Variants in SH3GL2 observed in about 807,000 individuals in gnomAD.
SH3GL2 encodes endophilin-A1.
In SH3GL2, 24 loss-of-function variants were observed where a neutral mutation model predicts 46.0. The observed-to-expected ratio is 0.52, with a 90% CI of 0.38 to 0.73. The LOEUF is 0.73. Among genes scored for constraint, SH3GL2 ranks in the 30% least tolerant of loss-of-function variants. SH3GL2 has a pLI of 0.00. For missense variants in SH3GL2, 413 were observed against 424.2 expected (o/e 0.97, Z 0.23); for synonymous variants, 196 against 147.1 (o/e 1.33, Z -2.40).
intron 1 of SH3GL2, among the ~76,000 whole-genome samples, chr9:17,721,871 G>A (rs1821902259): frequency 6.6e-6 from 1 of 151,928 alleles, no homozygotes; most frequent in Non-Finnish European, 1.5e-5. Context: ...TGTTTCTCTG[G>A]AGAACCCTAA....
At chr9:17,693,954 A>G (rs1297345030) in intron 1 of SH3GL2, among the ~76,000 whole-genome samples, 3 of 152,156 alleles carry the variant, frequency 2.0e-5, no homozygotes, top group African/African-American at 2.4e-5. Context: ...CTTATTAATG[A>G]TCTGAATTTA....
chr9:17,776,663 C>G (rs982956938), intron 3 of SH3GL2, among the ~76,000 whole-genome samples: 3 of 90,696 alleles, frequency 3.3e-5, no homozygotes, highest in Non-Finnish European at 2.3e-5. Context: ...TTCAAAATGT[C>G]CCATCTTTTT....
At chr9:17,740,914 T>C (rs1479406222) in intron 1 of SH3GL2, among the ~76,000 whole-genome samples, 1 of 152,134 alleles carries the variant, frequency 6.6e-6, no homozygotes, top group Non-Finnish European at 1.5e-5. Flanking sequence ...AGCAAGAGTT[T>C]AGGCATTTTC....
At chr9:17,669,120 A>C (rs1820411232) in intron 1 of SH3GL2, among the ~76,000 whole-genome samples, 1 of 152,130 alleles carries the variant, frequency 6.6e-6, no homozygotes, top group Non-Finnish European at 1.5e-5. Context: ...ATTTTGTGTT[A>C]GTTTTAGATT....
chr9:17,666,215 C>T (rs1344283312), intron 1 of SH3GL2, among the ~76,000 whole-genome samples: 1 of 151,866 alleles, frequency 6.6e-6, no homozygotes, highest in African/African-American at 2.4e-5. Context: ...TTTTTCCTCT[C>T]TTCAATGTTA....
At chr9:17,600,695 A>G (rs973706088) in intron 1 of SH3GL2, among the ~76,000 whole-genome samples, 9 of 152,328 alleles carry the variant, frequency 5.9e-5, no homozygotes, top group Admixed American at 2.0e-4. Context: ...GGTTCAATGT[A>G]TATGTTGTAC....
rs546023370 is a variant in SH3GL2 at position 17,750,661 on chromosome 9, T to C, written c.114+3527T>C. Among the ~76,000 whole-genome samples, 38 of 152,330 alleles carry C rather than the reference T, an allele frequency of 2.5e-4. 1 individual carries two copies. Among genetic ancestry groups the C allele is most frequent in the African/African-American group, 9.1e-4 (38 of 41,580 alleles). On this transcript the variant is annotated intron_variant, in intron 2 of 8. Coordinates refer to ENST00000380607, the MANE Select transcript of SH3GL2 (RefSeq NM_003026.5). Reference sequence around the variant, plus strand: ...TAAATGTCTTACTCTGGTGCAACATTGGAGGATTTGTTCTTTGAAAAGCTA... The same window carrying C: ...TAAATGTCTTACTCTGGTGCAACATCGGAGGATTTGTTCTTTGAAAAGCTA...
At chr9:17,710,773 A>G (rs1046161034) in intron 1 of SH3GL2, among the ~76,000 whole-genome samples, 7 of 152,092 alleles carry the variant, frequency 4.6e-5, no homozygotes, top group Middle Eastern at 3.4e-3. Context: ...ATACCAAGTG[A>G]AATAAGCCAA....
rs368775124 is a variant in SH3GL2 at position 17,635,928 on chromosome 9, G to T, written c.45+56641G>T. ...ACCTCCATTTATCAGCCTGGTCACA[G>T]CAGCAAGTAACCAAGAGGTCCTAAA... On this transcript the variant is annotated intron_variant, in intron 1 of 8. Transcript: ENST00000380607. Among the ~76,000 whole-genome samples the T allele has an allele frequency of 6.6e-5, 10 of 152,294 alleles. No homozygotes were observed. In the South Asian group the frequency reaches 1.9e-3, roughly 28 times the overall value.
At chr9:17,765,811 A>G (rs1402705223) in intron 3 of SH3GL2, among the ~76,000 whole-genome samples, 1 of 152,216 alleles carries the variant, frequency 6.6e-6, no homozygotes, top group East Asian at 1.9e-4. Context: ...CCATGAGTTC[A>G]GCACTGTGCC....
chr9:17,689,311 C>T lies in SH3GL2; in HGVS notation c.46-57755C>T, dbSNP rs142968950. Among the ~76,000 whole-genome samples the T allele has an allele frequency of 2.8e-3, 423 of 152,130 alleles. 3 individuals carry two copies. The highest frequency in any genetic ancestry group is 4.1e-3 in the Admixed American group (63 of 15,262). ...AGAGGAGTCTAATGAGATACGAAAA[C>T]TAAATATGTGGCACCCTGAATGAGT... On this transcript the variant is annotated intron_variant, in intron 1 of 8. Coordinates refer to ENST00000380607, the MANE Select transcript of SH3GL2 (RefSeq NM_003026.5).
intron 8 of SH3GL2, among the ~76,000 whole-genome samples, chr9:17,794,548 C>T (rs1424031605): frequency 1.3e-5 from 2 of 152,158 alleles, no homozygotes; most frequent in African/African-American, 4.8e-5. Flanking sequence ...CCATATATTT[C>T]ACTTTTCATC....
At chr9:17,679,759 G>A (rs1028939079) in intron 1 of SH3GL2, among the ~76,000 whole-genome samples, 1 of 152,166 alleles carries the variant, frequency 6.6e-6, no homozygotes, top group African/African-American at 2.4e-5. Context: ...GATATTGGCT[G>A]TGGGTTTGTG....
intron 1 of SH3GL2, among the ~76,000 whole-genome samples, chr9:17,603,589 G>C (rs539138302): frequency 4.6e-5 from 7 of 152,138 alleles, no homozygotes; most frequent in Non-Finnish European, 8.8e-5. Flanking sequence ...GGCTGGGCGT[G>C]GTGGCTCACT....
intron 3 of SH3GL2, among the ~76,000 whole-genome samples, chr9:17,764,458 C>G (rs1172494016): frequency 6.6e-6 from 1 of 152,196 alleles, no homozygotes; most frequent in Admixed American, 6.5e-5. Context: ...GTGCAGTTTG[C>G]TAAATACTTT....
chr9:17,707,271 G>A (rs1563821063), intron 1 of SH3GL2, among the ~76,000 whole-genome samples: 1 of 151,962 alleles, frequency 6.6e-6, no homozygotes, highest in East Asian at 1.9e-4. Context: ...TCACATCTGA[G>A]CTGAAATATC....
intron 1 of SH3GL2, among the ~76,000 whole-genome samples, chr9:17,647,917 C>A (rs971036919): frequency 6.6e-6 from 1 of 152,144 alleles, no homozygotes; most frequent in East Asian, 1.9e-4. Flanking sequence ...CCAGTCCCCC[C>A]ACCTTCCTCT....
chr9:17,743,477 G>C (rs560693479), intron 1 of SH3GL2, among the ~76,000 whole-genome samples: 37 of 151,792 alleles, frequency 2.4e-4, no homozygotes, highest in Non-Finnish European at 3.4e-4. Context: ...AGTTTTTATA[G>C]AGAAGAGGAA....
chr9:17,788,971 A>C (rs949529749), intron 5 of SH3GL2, among the ~76,000 whole-genome samples: 1 of 152,206 alleles, frequency 6.6e-6, no homozygotes, highest in Non-Finnish European at 1.5e-5. Flanking sequence ...AATTTCAAGG[A>C]AAGAGTTTTT....
Sources: gnomAD v4.1 joint callset for allele counts (sites outside exome capture counted in the v4.1 genomes callset) on GRCh38, gnomAD v4.1.1 for gene constraint, MANE v1.5 for transcripts, NCBI Gene and HGNC (gene_info 2026-07-23, HGNC 2026-07-21) for gene names.